Variants in DLG2 observed in about 807,000 individuals in gnomAD.
DLG2 encodes the protein discs large MAGUK scaffold protein 2, also known as disks large homolog 2.
In DLG2, 45 loss-of-function variants were observed where a neutral mutation model predicts 132.5. The ratio of observed to expected loss-of-function variants is 0.34; its 90% CI spans 0.27 to 0.44. The LOEUF is 0.44. Ranked by LOEUF, DLG2 falls within the 20% of genes least tolerant of loss-of-function variation. The probability of loss-of-function intolerance (pLI) is 1.00; values close to 1 mark genes in which losing one functional copy is unlikely to be tolerated. For missense variants in DLG2, 1,045 were observed against 1,196.9 expected (o/e 0.87, Z 1.87); for synonymous variants, 424 against 419.6 (o/e 1.01, Z -0.13).
chr11:84,209,914 G>C (rs1252489217), intron 8 of DLG2, among the ~76,000 whole-genome samples: 2 of 152,182 alleles, frequency 1.3e-5, no homozygotes, highest in Non-Finnish European at 2.9e-5. Flanking sequence ...TCTGATTAAA[G>C]ATTAGTATCT....
At chr11:84,939,435 T>C (rs144211339) in intron 6 of DLG2, among the ~76,000 whole-genome samples, 1 of 152,330 alleles carries the variant, frequency 6.6e-6, no homozygotes. Context: ...TATTTTGAAA[T>C]GTATAATAAA....
intron 3 of DLG2, among the ~76,000 whole-genome samples, chr11:85,522,297 T>G (rs910741944): frequency 3.9e-5 from 6 of 152,184 alleles, no homozygotes; most frequent in African/African-American, 9.7e-5. Flanking sequence ...GAACTGAGGT[T>G]TGGGGAACCT....
At chr11:83,681,809 T>C (rs1182458456) in intron 18 of DLG2, 1 of 152,152 alleles carries the variant, frequency 6.6e-6, no homozygotes, top group Non-Finnish European at 1.5e-5. Context: ...GGGGTGGGGA[T>C]GGACAAACCA....
intron 2 of DLG2, among the ~76,000 whole-genome samples, chr11:85,610,746 C>T (rs946822267): frequency 1.3e-5 from 2 of 151,940 alleles, no homozygotes; most frequent in South Asian, 2.1e-4. Flanking sequence ...GCTTTGCCTA[C>T]AGCAGGTCGA....
intron 22 of DLG2, chr11:83,480,443 A>G: frequency 6.5e-7 from 1 of 1,533,070 alleles, no homozygotes; most frequent in Non-Finnish European, 8.7e-7. Flanking sequence ...AATTAAAGAG[A>G]TACCAAGCAT....
intron 5 of DLG2, among the ~76,000 whole-genome samples, chr11:85,134,194 C>T (rs1403486040): frequency 2.6e-5 from 4 of 151,640 alleles, no homozygotes. Flanking sequence ...GGGACCCATA[C>T]ACTTTATCTC....
At chr11:84,606,349 G>A (rs892725701) in intron 6 of DLG2, among the ~76,000 whole-genome samples, 2 of 152,054 alleles carry the variant, frequency 1.3e-5, no homozygotes, top group Middle Eastern at 3.2e-3. Flanking sequence ...TGTATATAAT[G>A]TGTGTCACTG....
chr11:85,241,836 C>T (rs1157641980), intron 4 of DLG2, among the ~76,000 whole-genome samples: 1 of 151,990 alleles, frequency 6.6e-6, no homozygotes, highest in East Asian at 1.9e-4. Flanking sequence ...TTTGTGAGTT[C>T]CCCCACATAG....
chr11:83,846,466 C>G (rs901303641), intron 16 of DLG2, among the ~76,000 whole-genome samples: 2 of 152,134 alleles, frequency 1.3e-5, no homozygotes, highest in African/African-American at 4.8e-5. Flanking sequence ...GTTTCTACAG[C>G]CCCCCAAGTT....
intron 6 of DLG2, among the ~76,000 whole-genome samples, chr11:84,938,927 T>C (rs992339110): frequency 1.3e-5 from 2 of 152,178 alleles, no homozygotes; most frequent in African/African-American, 4.8e-5. Context: ...CTTGAAGTAC[T>C]CCCAAAATAA....
chr11:85,009,233 C>T (rs1441487316), intron 6 of DLG2, among the ~76,000 whole-genome samples: 1 of 151,840 alleles, frequency 6.6e-6, no homozygotes, highest in African/African-American at 2.4e-5. Context: ...TTATAACCAG[C>T]CCAAAGGAAT....
intron 6 of DLG2, among the ~76,000 whole-genome samples, chr11:84,924,677 T>A (rs1379994672): frequency 1.3e-5 from 2 of 152,214 alleles, no homozygotes; most frequent in Admixed American, 1.3e-4. Context: ...TTTTGGGCTG[T>A]CATTGTTTGT....
At chr11:84,419,354 A>T (rs1397646702) in intron 7 of DLG2, among the ~76,000 whole-genome samples, 1 of 152,212 alleles carries the variant, frequency 6.6e-6, no homozygotes, top group Admixed American at 6.5e-5. Flanking sequence ...CCTGGGAGAA[A>T]TTACACAAAC....
chr11:84,803,212 C>A (rs894115760), intron 6 of DLG2, among the ~76,000 whole-genome samples: 1 of 152,120 alleles, frequency 6.6e-6, no homozygotes, highest in Non-Finnish European at 1.5e-5. Context: ...ATTGTAGATG[C>A]TCAATAAATA....
At chr11:84,711,251 A>G (rs988990106) in intron 6 of DLG2, among the ~76,000 whole-genome samples, 1 of 150,536 alleles carries the variant, frequency 6.6e-6, no homozygotes, top group Non-Finnish European at 1.5e-5. Context: ...AGAATGGCCA[A>G]TTAGTGATGA....
chr11:84,457,033 A>G (rs1301976410), intron 7 of DLG2, among the ~76,000 whole-genome samples: 1 of 151,264 alleles, frequency 6.6e-6, no homozygotes, highest in Non-Finnish European at 1.5e-5. Context: ...TTTTATCCAA[A>G]CTTACTTTGC....
At chr11:84,714,576 TTTCTC>T (rs2060863211) in intron 6 of DLG2, among the ~76,000 whole-genome samples, 1 of 131,286 alleles carries the variant, frequency 7.6e-6, no homozygotes, top group Admixed American at 7.4e-5. Flanking sequence ...TCTCTTTCTC[TTTCTC>T]TTTCTCTTTC....
chr11:84,565,082 T>C (rs189777821), intron 6 of DLG2, among the ~76,000 whole-genome samples: 23 of 152,304 alleles, frequency 1.5e-4, no homozygotes, highest in African/African-American at 5.3e-4. Flanking sequence ...CATTATACTA[T>C]AAAGCATTCC....
At chr11:84,842,418 A>G (rs368683064) in intron 6 of DLG2, among the ~76,000 whole-genome samples, 1 of 151,990 alleles carries the variant, frequency 6.6e-6, no homozygotes, top group East Asian at 1.9e-4. Context: ...CTCCTAAATG[A>G]ATAAAGTTTG....
Sources: gnomAD v4.1 joint callset for allele counts (sites outside exome capture counted in the v4.1 genomes callset) on GRCh38, gnomAD v4.1.1 for gene constraint, MANE v1.5 for transcripts, NCBI Gene and HGNC (gene_info 2026-07-23, HGNC 2026-07-21) for gene names.